Variants in TENM3 observed in about 807,000 individuals in gnomAD.
TENM3 encodes teneurin transmembrane protein 3.
TENM3 carries 63 observed loss-of-function variants against 255.1 expected under a neutral mutation model. The observed-to-expected ratio is 0.25, with a 90% confidence interval of 0.20 to 0.30. The LOEUF (loss-of-function observed/expected upper bound fraction) is 0.30. Among genes scored for constraint, TENM3 ranks in the 10% least tolerant of loss-of-function variants. The probability of loss-of-function intolerance (pLI) is 1.00; values close to 1 mark genes in which losing one functional copy is unlikely to be tolerated. For synonymous variants in TENM3, 1,306 were observed against 1,322.3 expected, an observed-to-expected ratio of 0.99 and a Z score of 0.27; for missense variants, 2,929 against 3,461.1, an observed-to-expected ratio of 0.85 and a Z score of 3.86.
At chr4:181,777,810 G>T in the TENM3 span, among the ~76,000 whole-genome samples, 1 of 151,892 alleles carries the variant, frequency 6.6e-6, no homozygotes, top group Non-Finnish European at 1.5e-5. Context: ...TGAAATTCAC[G>T]ACAGTTGCCC....
At chr4:181,476,057 T>A in the TENM3 span, among the ~76,000 whole-genome samples, 1 of 152,192 alleles carries the variant, frequency 6.6e-6, no homozygotes, top group South Asian at 2.1e-4. Context: ...TTGAGAACTG[T>A]CATATTCACA....
intron 6 of TENM3, among the ~76,000 whole-genome samples, chr4:182,654,467 A>G (rs1753585932): frequency 6.6e-6 from 1 of 152,190 alleles, no homozygotes; most frequent in Non-Finnish European, 1.5e-5. Flanking sequence ...AAACACTTAG[A>G]AAAGCGTATA....
chr4:181,713,694 G>C, the TENM3 span, among the ~76,000 whole-genome samples: 1 of 151,934 alleles, frequency 6.6e-6, no homozygotes, highest in Admixed American at 6.5e-5. Context: ...AGAACCAGTA[G>C]ACTAGATATC....
chr4:181,888,508 A>G, the TENM3 span, among the ~76,000 whole-genome samples: 26 of 30,732 alleles, frequency 8.5e-4, no homozygotes, highest in African/African-American at 3.2e-3. Context: ...ATATATATAT[A>G]TATATATGTA....
At chr4:181,645,839 C>T in the TENM3 span, among the ~76,000 whole-genome samples, 22 of 152,304 alleles carry the variant, frequency 1.4e-4, no homozygotes, top group South Asian at 4.4e-3. Flanking sequence ...CACATTGATG[C>T]TAAGAAAAAT....
At chr4:182,295,261 CTTT>C (rs752005972) in intron 1 of TENM3, among the ~76,000 whole-genome samples, 2 of 70,442 alleles carry the variant, frequency 2.8e-5, no homozygotes, top group Non-Finnish European at 5.0e-5. Context: ...CTTTGCTTTT[CTTT>C]TTTTTTTTTT....
At chr4:181,853,858 G>C in the TENM3 span, among the ~76,000 whole-genome samples, 3 of 152,216 alleles carry the variant, frequency 2.0e-5, no homozygotes, top group African/African-American at 7.2e-5. Context: ...TATGCTGAAC[G>C]ATCTTGATAA....
chr4:181,760,540 T>C, the TENM3 span, among the ~76,000 whole-genome samples: 1 of 152,138 alleles, frequency 6.6e-6, no homozygotes, highest in Non-Finnish European at 1.5e-5. Context: ...TCTCCTAAGT[T>C]GGGCCCATTA....
chr4:182,441,867 A>T (rs1344847218), intron 3 of TENM3, among the ~76,000 whole-genome samples: 1 of 152,234 alleles, frequency 6.6e-6, no homozygotes, highest in Non-Finnish European at 1.5e-5. Context: ...GCAAGACACT[A>T]TGCCAAATGT....
intron 22 of TENM3, among the ~76,000 whole-genome samples, chr4:182,766,757 C>T (rs1391515638): frequency 6.6e-6 from 1 of 151,996 alleles, no homozygotes; most frequent in African/African-American, 2.4e-5. Flanking sequence ...AAAAGAATAG[C>T]AGCTTGACTG....
At chr4:181,579,933 AATTTTATTTTATTTTATTTTATTTT>A in the TENM3 span, among the ~76,000 whole-genome samples, 33,230 of 126,414 alleles carry the variant, frequency 0.26, 4,962 homozygotes, top group South Asian at 0.47. Flanking sequence ...AAGTACCTAC[AATTTTATTTTATTTTATTTTATTTT>A]ATTTTATTTT....
At chr4:182,455,891 C>T (rs1773839186) in intron 3 of TENM3, among the ~76,000 whole-genome samples, 1 of 152,084 alleles carries the variant, frequency 6.6e-6, no homozygotes, top group Admixed American at 6.5e-5. Flanking sequence ...GCTCCTCCTC[C>T]TCTCGGGCTT....
the TENM3 span, among the ~76,000 whole-genome samples, chr4:181,506,664 A>G: frequency 6.6e-6 from 1 of 151,824 alleles, no homozygotes; most frequent in Non-Finnish European, 1.5e-5. Context: ...CACAGAGTAA[A>G]AAGGCCAAAT....
At chr4:182,726,050 C>T (rs1329264398) in intron 13 of TENM3, among the ~76,000 whole-genome samples, 1 of 152,170 alleles carries the variant, frequency 6.6e-6, no homozygotes, top group African/African-American at 2.4e-5. Flanking sequence ...TACATGCTAT[C>T]ATAAGGAAAC....
intron 4 of TENM3, among the ~76,000 whole-genome samples, chr4:182,604,055 A>G (rs1450713519): frequency 6.6e-6 from 1 of 152,102 alleles, no homozygotes; most frequent in Non-Finnish European, 1.5e-5. Flanking sequence ...TTTGTCCTAT[A>G]TGTTTCAGTA....
At chr4:181,844,812 C>A in the TENM3 span, among the ~76,000 whole-genome samples, 1 of 152,208 alleles carries the variant, frequency 6.6e-6, no homozygotes, top group Non-Finnish European at 1.5e-5. Context: ...TCAGGAACCA[C>A]TTCCCAGATC....
intron 1 of TENM3, among the ~76,000 whole-genome samples, chr4:182,210,616 T>C (rs1345871813): frequency 3.5e-5 from 4 of 113,516 alleles, no homozygotes; most frequent in Non-Finnish European, 7.3e-5. Context: ...TCCCCCTCTC[T>C]AGTTTTTTTT....
chr4:181,773,433 G>A, the TENM3 span, among the ~76,000 whole-genome samples: 9 of 152,288 alleles, frequency 5.9e-5, 1 homozygote, highest in African/African-American at 1.7e-4. Flanking sequence ...GCCTATCTGT[G>A]TATCATTTAT....
the TENM3 span, among the ~76,000 whole-genome samples, chr4:182,066,586 A>G: frequency 1.3e-4 from 5 of 39,034 alleles, no homozygotes; most frequent in East Asian, 0.02. Flanking sequence ...AGTAAGAATT[A>G]TGGTAAAAAA....
Sources: gnomAD v4.1 joint callset for allele counts (sites outside exome capture counted in the v4.1 genomes callset) on GRCh38, gnomAD v4.1.1 for gene constraint, MANE v1.5 for transcripts, NCBI Gene and HGNC (gene_info 2026-07-23, HGNC 2026-07-21) for gene names.